Variants in TWSG1 observed in about 807,000 individuals in gnomAD.
The protein encoded by TWSG1 is twisted gastrulation BMP signaling modulator 1.
In TWSG1, 15 loss-of-function variants were observed where a neutral mutation model predicts 23.0. The ratio of observed to expected loss-of-function variants is 0.65; its 90% confidence interval spans 0.44 to 1.00. The LOEUF (loss-of-function observed/expected upper bound fraction) is 1.00. Ranked by LOEUF, TWSG1 falls within the 50% of genes least tolerant of loss-of-function variation. The pLI is 0.00. For missense variants in TWSG1, 242 were observed against 278.7 expected (o/e 0.87, Z 0.94); for synonymous variants, 86 against 92.8 (o/e 0.93, Z 0.42).
chr18:9,370,144 C>T (rs995612077), intron 3 of TWSG1, among the ~76,000 whole-genome samples: 1 of 151,956 alleles, frequency 6.6e-6, no homozygotes, highest in Non-Finnish European at 1.5e-5. Flanking sequence ...ATGGTGAAAC[C>T]CCGTCCCTAC....
intron 2 of TWSG1, among the ~76,000 whole-genome samples, chr18:9,357,383 G>A (rs1019494220): frequency 2.6e-5 from 4 of 152,132 alleles, no homozygotes; most frequent in Non-Finnish European, 5.9e-5. Flanking sequence ...TGTATAATTA[G>A]CAAGGGGACT....
At chr18:9,350,466 C>T (rs2040497496) in intron 2 of TWSG1, among the ~76,000 whole-genome samples, 1 of 152,162 alleles carries the variant, frequency 6.6e-6, no homozygotes. Flanking sequence ...ACCCATTACT[C>T]AGCCTCAACA....
chr18:9,348,922 T>A (rs2040489260), intron 2 of TWSG1, among the ~76,000 whole-genome samples: 1 of 152,192 alleles, frequency 6.6e-6, no homozygotes, highest in South Asian at 2.1e-4. Context: ...AAATTTTCCC[T>A]GGAAGCTCTT....
Position 9,399,393 on chromosome 18 carries a change from C to G in TWSG1, c.538C>G (p.Gln180Glu), listed in dbSNP as rs1301961356. 23 of 1,613,662 alleles carry G rather than the reference C, an allele frequency of 1.4e-5. No individual in the cohort carries two copies. The highest frequency in any genetic ancestry group is 1.9e-5 in the Non-Finnish European group (22 of 1,179,892). ...TTTTGATGACTGCATGTCCATACATCAGTGTAAAATATCCTGTGAGTCCAT... is the reference window on the plus strand; with the variant it reads ...TTTTGATGACTGCATGTCCATACATGAGTGTAAAATATCCTGTGAGTCCAT... Reference protein sequence around the residue: ...VYFDDCMSIHQCKISCESMGA... With the variant: ...VYFDDCMSIHECKISCESMGA... Residue 180 changes from glutamine to glutamate, a missense_variant, in exon 5 of 5, where the codon CAG (glutamine) becomes GAG (glutamate). Transcript: ENST00000262120.
intron 2 of TWSG1, among the ~76,000 whole-genome samples, chr18:9,350,484 A>G (rs2040497615): frequency 6.6e-6 from 1 of 152,208 alleles, no homozygotes; most frequent in Non-Finnish European, 1.5e-5. Context: ...ACAGTGATCA[A>G]CATGTGGTCA....
chr18:9,360,398 A>G (rs1164980868), intron 3 of TWSG1, among the ~76,000 whole-genome samples: 1 of 152,138 alleles, frequency 6.6e-6, no homozygotes, highest in African/African-American at 2.4e-5. Context: ...TAGGTTTTAT[A>G]AGAAGAAACA....
chr18:9,364,580 A>T (rs185510733), intron 3 of TWSG1, among the ~76,000 whole-genome samples: 3 of 152,032 alleles, frequency 2.0e-5, no homozygotes, highest in Non-Finnish European at 2.9e-5. Context: ...AATCACCTTA[A>T]GTCAGGAATT....
chr18:9,340,066 T>C (rs1378126672), intron 2 of TWSG1, among the ~76,000 whole-genome samples: 1 of 152,036 alleles, frequency 6.6e-6, no homozygotes, highest in African/African-American at 2.4e-5. Context: ...ACTACTTGGA[T>C]TTAGAAAAGA....
intron 3 of TWSG1, among the ~76,000 whole-genome samples, chr18:9,366,117 G>A (rs2040577571): frequency 6.6e-6 from 1 of 152,218 alleles, no homozygotes; most frequent in African/African-American, 2.4e-5. Flanking sequence ...CTATAATTCA[G>A]TGGTGCACTG....
intron 3 of TWSG1, among the ~76,000 whole-genome samples, chr18:9,366,890 T>C (rs1351476891): frequency 6.6e-6 from 1 of 152,206 alleles, no homozygotes; most frequent in Non-Finnish European, 1.5e-5. Flanking sequence ...CTAATTAACA[T>C]ACATTACCTC....
intron 3 of TWSG1, among the ~76,000 whole-genome samples, chr18:9,395,917 A>G (rs2040732728): frequency 6.6e-6 from 1 of 152,128 alleles, no homozygotes; most frequent in Admixed American, 6.5e-5. Flanking sequence ...GAGCCCCTTC[A>G]GTTGTCCTCC....
chr18:9,366,741 T>A (rs995519771), intron 3 of TWSG1, among the ~76,000 whole-genome samples: 1 of 152,198 alleles, frequency 6.6e-6, no homozygotes, highest in Non-Finnish European at 1.5e-5. Flanking sequence ...TTCTGTTTTC[T>A]GTTTTAAGAA....
chr18:9,374,883 C>T (rs2040621728), intron 3 of TWSG1, among the ~76,000 whole-genome samples: 1 of 152,110 alleles, frequency 6.6e-6, no homozygotes, highest in Non-Finnish European at 1.5e-5. Context: ...GCAATGTGGG[C>T]TGGGTGTGGT....
In TWSG1 at chr18:9,399,828, C is replaced by A. The variant is rs1410043175; in HGVS notation, c.*301C>A. ...AGATCTGAGGTTTTTAACATGAAGT[C>A]TGACGTGGTTTTCCTCTAGCATTCC... is the stretch of plus-strand genomic sequence containing the variant. On this transcript the variant is annotated 3_prime_UTR_variant, in exon 5 of 5. Coordinates refer to ENST00000262120, the MANE Select transcript of TWSG1 (RefSeq NM_020648.6). The A allele has an allele frequency of 9.1e-6, 2 of 219,192 alleles. No homozygotes were observed. Among genetic ancestry groups the A allele is most frequent in the Non-Finnish European group, 1.8e-5 (2 of 112,280 alleles). 13.6% of individuals were successfully genotyped at this position (219,192 alleles called of 1,614,324 possible). A position where few individuals can be genotyped will look rare whatever the true frequency, so the allele number is the denominator to read the frequency against.
At chr18:9,340,584 C>T (rs1004667004) in intron 2 of TWSG1, among the ~76,000 whole-genome samples, 1 of 152,098 alleles carries the variant, frequency 6.6e-6, no homozygotes, top group Non-Finnish European at 1.5e-5. Context: ...TGGCAAACCA[C>T]CCCAAAAACC....
chr18:9,377,232 T>TG (rs1568037331), intron 3 of TWSG1, among the ~76,000 whole-genome samples: 13 of 151,918 alleles, frequency 8.6e-5, no homozygotes, highest in African/African-American at 2.9e-4. Flanking sequence ...TTTTTTTTTT[T>TG]TGGGGGGACA....
At chr18:9,380,264 C>T (rs977480821) in intron 3 of TWSG1, among the ~76,000 whole-genome samples, 1 of 151,970 alleles carries the variant, frequency 6.6e-6, no homozygotes, top group Non-Finnish European at 1.5e-5. Context: ...GTGTTATTTT[C>T]CCTCATCTGT....
In TWSG1 at chr18:9,399,786, G is replaced by A. The variant is rs187854798; in HGVS notation, c.*259G>A. ...CTTTGGTCATATGAGAAGCAGGTGC[G>A]CAGAGAATTCCTTGAAAGATCTGAG... On this transcript the variant is annotated 3_prime_UTR_variant, in exon 5 of 5. Transcript: ENST00000262120. The A allele has an allele frequency of 2.1e-5, 6 of 285,412 alleles. No individual in the cohort carries two copies. Among genetic ancestry groups the A allele is most frequent in the Middle Eastern group, 1.0e-3 (1 of 974 alleles). 17.7% of individuals were successfully genotyped at this position (285,412 alleles called of 1,614,324 possible). A position where few individuals can be genotyped will look rare whatever the true frequency, so the allele number is the denominator to read the frequency against.
At chr18:9,373,011 A>G (rs1428444577) in intron 3 of TWSG1, among the ~76,000 whole-genome samples, 1 of 151,736 alleles carries the variant, frequency 6.6e-6, no homozygotes, top group South Asian at 2.1e-4. Flanking sequence ...CCTACAAGAA[A>G]CCCACTTTAA....
Sources: gnomAD v4.1 joint callset for allele counts (sites outside exome capture counted in the v4.1 genomes callset) on GRCh38, gnomAD v4.1.1 for gene constraint, MANE v1.5 for transcripts, NCBI Gene and HGNC (gene_info 2026-07-23, HGNC 2026-07-21) for gene names.